Variants in ZFYVE28 observed in about 807,000 individuals in gnomAD.
ZFYVE28 encodes lateral signaling target protein 2 homolog.
ZFYVE28 carries 40 observed loss-of-function variants against 82.1 expected under a neutral mutation model. The ratio of observed to expected loss-of-function variants is 0.49; its 90% CI spans 0.38 to 0.63. The LOEUF is 0.63. ZFYVE28 is among the 30% of genes least tolerant of loss of function. The probability of loss-of-function intolerance (pLI) is 0.00; values close to 1 mark genes in which losing one functional copy is unlikely to be tolerated. For synonymous variants in ZFYVE28, 612 were observed against 546.1 expected (o/e 1.12, Z -1.68); for missense variants, 1,321 against 1,242.1 (o/e 1.06, Z -0.96).
intron 1 of ZFYVE28, among the ~76,000 whole-genome samples, chr4:2,365,786 A>T (rs1578267349): frequency 6.6e-6 from 1 of 152,266 alleles, no homozygotes; most frequent in East Asian, 1.9e-4. Context: ...GTCACCCCTG[A>T]TACCAGAAGG....
At chr4:2,359,819 T>C (rs766356197) in intron 1 of ZFYVE28, among the ~76,000 whole-genome samples, 1 of 152,078 alleles carries the variant, frequency 6.6e-6, no homozygotes, top group Non-Finnish European at 1.5e-5. Flanking sequence ...AGCCCTGACA[T>C]CCACTTAGCA....
intron 2 of ZFYVE28, among the ~76,000 whole-genome samples, chr4:2,346,164 TAAA>T (rs34720466): frequency 1.7e-4 from 21 of 126,458 alleles, no homozygotes; most frequent in Admixed American, 3.2e-4. Context: ...CCGTCTCTAC[TAAA>T]AAAAAAAAAA....
chr4:2,294,185 C>A (rs1714189725), intron 8 of ZFYVE28, among the ~76,000 whole-genome samples: 1 of 151,924 alleles, frequency 6.6e-6, no homozygotes, highest in Non-Finnish European at 1.5e-5. Flanking sequence ...GGCACTTGCA[C>A]TTCCAACTAA....
At position 2,362,902 on chromosome 4, in the gene ZFYVE28, C is replaced by A. The variant is rs887638688; in HGVS notation, c.40-8829G>T. 1.3e-5 allele frequency among the ~76,000 whole-genome samples: 2 copies of A among 152,068 alleles called. No individual in the cohort carries two copies. The highest frequency in any genetic ancestry group is 4.8e-5 in the African/African-American group (2 of 41,426). On this transcript the variant is annotated intron_variant, in intron 1 of 12. Transcript: ENST00000290974. The surrounding 1 kb of genome is among the most constrained non-coding windows in gnomAD (Gnocchi z 5.1). ...CTTCCTGCCTTGGCCTCCTGCGGAC[C>A]CCACCCACCCCTGCTCTCTCTCAGG...
rs575228627 is a variant in ZFYVE28, at chr4:2,394,632, C to A, written c.39+23653G>T. Among the ~76,000 whole-genome samples, 1 of 152,390 alleles carries A rather than the reference C, an allele frequency of 6.6e-6. No homozygotes were observed. Among genetic ancestry groups the A allele is most frequent in the African/African-American group, 2.4e-5 (1 of 41,592 alleles). ...CTCCTTTCTAACAAGGCACATGCTT[C>A]CAGCTGCTCGGGCTGCTCGGTCACA... On this transcript the variant is annotated intron_variant, in intron 1 of 12. Transcript: ENST00000290974. This position sits in a 1 kb window ranked among gnomAD's most constrained non-coding sequence, Gnocchi z 4.0.
intron 1 of ZFYVE28, chr4:2,364,487 C>G (rs1726592699): frequency 1.0e-6 from 1 of 985,484 alleles, no homozygotes; most frequent in Non-Finnish European, 1.2e-6. Flanking sequence ...GTACTTTACC[C>G]AGAGGGTGGC....
chr4:2,408,271 C>A lies in ZFYVE28; in HGVS notation c.39+10014G>T, dbSNP rs1732135828. On this transcript the variant is annotated intron_variant, in intron 1 of 12. Coordinates refer to ENST00000290974, the MANE Select transcript of ZFYVE28 (RefSeq NM_020972.3). This position sits in a 1 kb window ranked among gnomAD's most constrained non-coding sequence, Gnocchi z 4.3. ...GTGCTCCCAAGAACATCCTACCAAG[C>A]CAGCATTTCCCTGCATCCCCACACC... Among the ~76,000 whole-genome samples the A allele has an allele frequency of 6.6e-6, 1 of 152,204 alleles. No homozygotes were observed.
intron 6 of ZFYVE28, among the ~76,000 whole-genome samples, chr4:2,326,056 G>C (rs1002118669): frequency 1.3e-5 from 2 of 152,112 alleles, no homozygotes; most frequent in African/African-American, 2.4e-5. Context: ...AAGCTTTTCA[G>C]TTTGATGTAA....
At chr4:2,302,368 A>G (rs17819626) in intron 8 of ZFYVE28, among the ~76,000 whole-genome samples, 19,863 of 152,258 alleles carry the variant, frequency 0.13, 1,375 homozygotes, top group Non-Finnish European at 0.15. Context: ...TACACACATA[A>G]TGCTGAATGA....
chr4:2,291,251 G>C, intron 8 of ZFYVE28, among the ~76,000 whole-genome samples: 1 of 152,236 alleles, frequency 6.6e-6, no homozygotes. Flanking sequence ...CTTGCTTTCG[G>C]CTCAGTGAAG....
chr4:2,302,303 A>C (rs1428980228), intron 8 of ZFYVE28, among the ~76,000 whole-genome samples: 1 of 152,218 alleles, frequency 6.6e-6, no homozygotes, highest in African/African-American at 2.4e-5. Context: ...TTATTTATAG[A>C]TTTGACTGGG....
At chr4:2,410,148 G>C (rs116786527) in intron 1 of ZFYVE28, among the ~76,000 whole-genome samples, 186 of 152,210 alleles carry the variant, frequency 1.2e-3, no homozygotes, top group African/African-American at 4.3e-3. Context: ...ATCTTAGAGG[G>C]TACAATACAA....
At chr4:2,375,215 G>A (rs1029407081) in intron 1 of ZFYVE28, among the ~76,000 whole-genome samples, 2 of 152,226 alleles carry the variant, frequency 1.3e-5, no homozygotes, top group Non-Finnish European at 2.9e-5. Flanking sequence ...CAGCCTCGGG[G>A]AAGGTGGCTT....
At chr4:2,383,567 C>T (rs1728947189) in intron 1 of ZFYVE28, among the ~76,000 whole-genome samples, 1 of 152,162 alleles carries the variant, frequency 6.6e-6, no homozygotes, top group Non-Finnish European at 1.5e-5. Flanking sequence ...ATCCCAATGC[C>T]CAGGATGACC....
chr4:2,380,510 G>A (rs1275640755), intron 1 of ZFYVE28, among the ~76,000 whole-genome samples: 1 of 152,234 alleles, frequency 6.6e-6, no homozygotes, highest in Admixed American at 6.5e-5. Context: ...CAAAGCAGCA[G>A]AAACCACCTG....
chr4:2,357,566 G>C lies in ZFYVE28; in HGVS notation c.40-3493C>G, dbSNP rs562347828. On this transcript the variant is annotated intron_variant, in intron 1 of 12. Transcript: ENST00000290974. ...CCAAACCTGCCCGCTCCCCTTCAGA[G>C]CAGTAGGTATGGGAGGGTGGGAGAA... 2.4e-4 allele frequency among the ~76,000 whole-genome samples: 37 copies of C among 152,212 alleles called. 1 individual carries two copies. The highest frequency in any genetic ancestry group is 1.7e-3 in the Admixed American group (26 of 15,288).
intron 8 of ZFYVE28, among the ~76,000 whole-genome samples, chr4:2,298,922 C>T (rs933951693): frequency 3.3e-5 from 5 of 152,150 alleles, no homozygotes; most frequent in African/African-American, 1.2e-4. Flanking sequence ...AAAACCCAGG[C>T]CACCAGAGAT....
chr4:2,346,185 A>G (rs1177469288), intron 2 of ZFYVE28, among the ~76,000 whole-genome samples: 1 of 121,262 alleles, frequency 8.2e-6, no homozygotes, highest in Non-Finnish European at 1.8e-5. Flanking sequence ...AAAAAAAAAT[A>G]CAAAAAATTA....
chr4:2,335,607 G>A lies in ZFYVE28; in HGVS notation c.701+98C>T. ...GACAGCTGAGCGGCCACCGTGAGGTGGAGACGCCATGGACCGGCACCCGCA... is the reference window on the plus strand; with the variant it reads ...GACAGCTGAGCGGCCACCGTGAGGTAGAGACGCCATGGACCGGCACCCGCA... On this transcript the variant is annotated intron_variant, in intron 6 of 12. Coordinates refer to ENST00000290974, the MANE Select transcript of ZFYVE28 (RefSeq NM_020972.3). This position sits in a 1 kb window ranked among gnomAD's most constrained non-coding sequence, Gnocchi z 5.8. 8.6e-7 allele frequency: 1 copy of A among 1,160,878 alleles called. No individual in the cohort carries two copies. The highest frequency in any genetic ancestry group is 1.4e-5 in the South Asian group (1 of 73,702). 71.9% of individuals were successfully genotyped at this position (1,160,878 alleles called of 1,614,324 possible).
Sources: allele counts gnomAD v4.1 joint callset (sites outside exome capture counted in the v4.1 genomes callset), GRCh38; gene constraint gnomAD v4.1.1; non-coding constraint Gnocchi (gnomAD v3.1); transcripts MANE v1.5; gene names NCBI Gene and HGNC (gene_info 2026-07-23, HGNC 2026-07-21).